GRM7: variants seen among roughly 807,000 people sequenced by gnomAD.
GRM7 encodes the protein glutamate metabotropic receptor 7, also known as metabotropic glutamate receptor 7.
In GRM7, 35 loss-of-function variants were observed where a neutral mutation model predicts 84.5. The ratio of observed to expected loss-of-function variants is 0.41; its 90% CI spans 0.32 to 0.55. The LOEUF (loss-of-function observed/expected upper bound fraction) is 0.55. Ranked by LOEUF, GRM7 falls within the 20% of genes least tolerant of loss-of-function variation. GRM7 has a pLI of 0.19. For missense variants in GRM7, 1,003 were observed against 1,194.6 expected (o/e 0.84, Z 2.36); for synonymous variants, 487 against 455.1 (o/e 1.07, Z -0.89).
At chr3:6,947,584 G>A (rs1698137519) in intron 1 of GRM7, among the ~76,000 whole-genome samples, 1 of 152,146 alleles carries the variant, frequency 6.6e-6, no homozygotes, top group South Asian at 2.1e-4. Context: ...GAGTTAGGGA[G>A]GATTCCCTCT....
intron 2 of GRM7, among the ~76,000 whole-genome samples, chr3:7,209,657 C>T (rs953902348): frequency 9.2e-5 from 14 of 152,024 alleles, no homozygotes; most frequent in African/African-American, 2.9e-4. Flanking sequence ...TGTCTGTTGA[C>T]GAGGTAGCTC....
At chr3:6,991,449 A>G (rs1287400928) in intron 1 of GRM7, among the ~76,000 whole-genome samples, 2 of 152,186 alleles carry the variant, frequency 1.3e-5, no homozygotes, top group Non-Finnish European at 2.9e-5. Context: ...TTCGAAGCAA[A>G]TGAGAACATA....
intron 1 of GRM7, among the ~76,000 whole-genome samples, chr3:6,957,322 G>T (rs1476114867): frequency 1.3e-5 from 2 of 152,160 alleles, no homozygotes; most frequent in Non-Finnish European, 1.5e-5. Flanking sequence ...CTTGCTGAGG[G>T]CAGGGATCTC....
At chr3:7,471,464 A>G (rs1559346207) in intron 7 of GRM7, among the ~76,000 whole-genome samples, 1 of 152,162 alleles carries the variant, frequency 6.6e-6, no homozygotes, top group Non-Finnish European at 1.5e-5. Flanking sequence ...GGTGGATCCC[A>G]GCTTCTGGCA....
At chr3:7,385,469 T>A (rs1694750669) in intron 4 of GRM7, among the ~76,000 whole-genome samples, 1 of 151,822 alleles carries the variant, frequency 6.6e-6, no homozygotes, top group African/African-American at 2.4e-5. Flanking sequence ...CCCAGCTAAT[T>A]TTTTGTATTG....
rs534641898 is a variant in GRM7, at chr3:7,163,725, T to G, written c.736+17057T>G. Among the ~76,000 whole-genome samples, 7 of 152,310 alleles carry G rather than the reference T, an allele frequency of 4.6e-5. No homozygotes were observed. The South Asian group carries it at 1.5e-3, about 32-fold the overall frequency. Reference sequence around the variant, plus strand: ...TGAGGAACTGAACTATGTGAAGAACTGGGAGAAATTATTCCAGATAGAAGG... The same window carrying G: ...TGAGGAACTGAACTATGTGAAGAACGGGGAGAAATTATTCCAGATAGAAGG... On this transcript the variant is annotated intron_variant, in intron 2 of 9. Transcript: ENST00000357716.
At chr3:7,648,248 GT>G (rs60434793) in intron 8 of GRM7, among the ~76,000 whole-genome samples, 1,905 of 146,000 alleles carry the variant, frequency 0.013, 49 homozygotes, top group African/African-American at 0.046. Flanking sequence ...GCTATAAATA[GT>G]TTTTTTTTTA....
At chr3:7,403,622 G>GATATATATATAT (rs59465377) in intron 4 of GRM7, among the ~76,000 whole-genome samples, 6,428 of 126,466 alleles carry the variant, frequency 0.051, 217 homozygotes, top group Middle Eastern at 0.12. Flanking sequence ...GAGTAATTCT[G>GATATATATATAT]ATATATATAT....
chr3:7,220,167 C>G (rs528350766), intron 2 of GRM7, among the ~76,000 whole-genome samples: 3 of 152,274 alleles, frequency 2.0e-5, no homozygotes, highest in East Asian at 3.9e-4. Flanking sequence ...GTTACAGCAT[C>G]ATTTCTCAAT....
At chr3:7,531,554 A>G (rs1339941694) in intron 7 of GRM7, among the ~76,000 whole-genome samples, 2 of 152,046 alleles carry the variant, frequency 1.3e-5, no homozygotes, top group Non-Finnish European at 2.9e-5. Flanking sequence ...ATTCCTAGGT[A>G]TTTAATTGTC....
At chr3:6,869,581 G>GTCTATCTATCTATCTATCTATCTA (rs140514964) in intron 1 of GRM7, among the ~76,000 whole-genome samples, 18,891 of 150,636 alleles carry the variant, frequency 0.13, 1,280 homozygotes, top group African/African-American at 0.17. Flanking sequence ...CTATCTATCT[G>GTCTATCTATCTATCTATCTATCTA]TCTATCTATC....
rs551779659 is a variant in GRM7, at chr3:6,952,867, C to T, written c.519+90960C>T. 5.9e-5 allele frequency among the ~76,000 whole-genome samples: 9 copies of T among 152,218 alleles called. No individual in the cohort carries two copies. In the South Asian group the frequency reaches 1.9e-3, roughly 32 times the overall value. On this transcript the variant is annotated intron_variant, in intron 1 of 9. Coordinates refer to ENST00000357716, the MANE Select transcript of GRM7 (RefSeq NM_000844.4). ...CCTATATTAGTTTGTTACCAACATC[C>T]TCGTGGTTAAAATGAAACTTTAGGT... is the stretch of plus-strand genomic sequence containing the variant.
intron 2 of GRM7, among the ~76,000 whole-genome samples, chr3:7,171,612 C>T (rs546107622): frequency 3.9e-4 from 59 of 152,258 alleles, no homozygotes; most frequent in African/African-American, 1.3e-3. Context: ...TCCATTAAAT[C>T]ACTCTCTAAG....
chr3:7,280,033 G>A (rs1334011195), intron 2 of GRM7, among the ~76,000 whole-genome samples: 1 of 152,180 alleles, frequency 6.6e-6, no homozygotes, highest in Non-Finnish European at 1.5e-5. Flanking sequence ...GTTATTTCCA[G>A]TGTCTGGATA....
chr3:7,186,918 T>G (rs942270164), intron 2 of GRM7, among the ~76,000 whole-genome samples: 2 of 152,160 alleles, frequency 1.3e-5, no homozygotes, highest in African/African-American at 4.8e-5. Context: ...CATATACATA[T>G]GTCAAAGTTA....
intron 2 of GRM7, among the ~76,000 whole-genome samples, chr3:7,235,808 C>T (rs1431406872): frequency 6.6e-6 from 1 of 152,088 alleles, no homozygotes; most frequent in Non-Finnish European, 1.5e-5. Flanking sequence ...CTATTTTTCA[C>T]TTGTGAGAGA....
chr3:7,569,419 T>C (rs1423464861), intron 7 of GRM7, among the ~76,000 whole-genome samples: 11 of 152,090 alleles, frequency 7.2e-5, no homozygotes, highest in Admixed American at 7.2e-4. Context: ...AGAACCTTTG[T>C]GTCTAGCTCA....
intron 1 of GRM7, among the ~76,000 whole-genome samples, chr3:6,906,379 A>G (rs927743191): frequency 6.6e-6 from 1 of 152,132 alleles, no homozygotes; most frequent in African/African-American, 2.4e-5. Flanking sequence ...TTATGCCATT[A>G]TTTTTGAAAC....
At chr3:7,517,474 C>A (rs1352936115) in intron 7 of GRM7, among the ~76,000 whole-genome samples, 1 of 152,112 alleles carries the variant, frequency 6.6e-6, no homozygotes, top group Non-Finnish European at 1.5e-5. Context: ...CTCACTGCAA[C>A]CTCCACCTCC....
Sources: gnomAD v4.1 joint callset for allele counts (sites outside exome capture counted in the v4.1 genomes callset) on GRCh38, gnomAD v4.1.1 for gene constraint, MANE v1.5 for transcripts, NCBI Gene and HGNC (gene_info 2026-07-23, HGNC 2026-07-21) for gene names.